PLEKHB2: variants seen among roughly 807,000 people sequenced by gnomAD.
PLEKHB2 encodes pleckstrin homology domain containing B2.
Under a neutral mutation model 36.5 loss-of-function variants are expected in PLEKHB2, and 31 were observed. The observed-to-expected ratio is 0.85, with a 90% CI of 0.64 to 1.15. The LOEUF is 1.15. Among genes scored for constraint, PLEKHB2 ranks in the 50% most tolerant of loss-of-function variants. PLEKHB2 has a pLI of 0.00. For synonymous variants in PLEKHB2, 119 were observed against 112.0 expected, an observed-to-expected ratio of 1.06 and a Z score of -0.39; for missense variants, 262 against 295.3, an observed-to-expected ratio of 0.89 and a Z score of 0.83.
chr2:131,149,386 TGAA>T lies in PLEKHB2; in HGVS notation c.*2618_*2620del, dbSNP rs1482329517. 2 of 152,248 alleles carry T rather than the reference TGAA, an allele frequency of 1.3e-5. No homozygotes were observed. Among genetic ancestry groups the T allele is most frequent in the Non-Finnish European group, 2.9e-5 (2 of 68,046 alleles). 9.4% of individuals were successfully genotyped at this position (152,248 alleles called of 1,614,324 possible). Reference sequence around the variant, plus strand: ...GTGTACTTTTAAATAATCCATACCTTGAAGAAGTTGGCCAATGATATTATATAC... The same window carrying T: ...GTGTACTTTTAAATAATCCATACCTTGAAGTTGGCCAATGATATTATATAC... On this transcript the variant is annotated 3_prime_UTR_variant, in exon 8 of 8. Coordinates refer to ENST00000693505, the MANE Select transcript of PLEKHB2 (RefSeq NM_001100623.2).
intron 4 of PLEKHB2, among the ~76,000 whole-genome samples, chr2:131,129,343 A>G (rs1339546113): frequency 6.6e-6 from 1 of 150,510 alleles, no homozygotes; most frequent in Non-Finnish European, 1.5e-5. Flanking sequence ...AAAAAAAAAA[A>G]AAAAAAAAAG....
At chr2:131,119,393 T>C (rs954662078) in intron 1 of PLEKHB2, among the ~76,000 whole-genome samples, 1 of 152,224 alleles carries the variant, frequency 6.6e-6, no homozygotes, top group Non-Finnish European at 1.5e-5. Flanking sequence ...TCAAAGGTTT[T>C]AGGATTCCTC....
At chr2:131,110,774 T>C (rs1695226527) in intron 1 of PLEKHB2, among the ~76,000 whole-genome samples, 1 of 152,210 alleles carries the variant, frequency 6.6e-6, no homozygotes, top group Admixed American at 6.5e-5. Flanking sequence ...TGCTGATTGT[T>C]GATCCTTTAT....
intron 7 of PLEKHB2, among the ~76,000 whole-genome samples, chr2:131,140,642 T>G (rs1698693583): frequency 6.6e-6 from 1 of 152,246 alleles, no homozygotes; most frequent in South Asian, 2.1e-4. Flanking sequence ...TTGTCACTAC[T>G]GAGGTGATGT....
chr2:131,130,048 CT>C (rs879315607), intron 4 of PLEKHB2, among the ~76,000 whole-genome samples: 2 of 149,148 alleles, frequency 1.3e-5, no homozygotes, highest in South Asian at 4.3e-4. Flanking sequence ...TTCTTTTCTT[CT>C]TTTTTTTTTC....
At chr2:131,105,701 G>A (rs1694633356) in intron 1 of PLEKHB2, among the ~76,000 whole-genome samples, 1 of 151,992 alleles carries the variant, frequency 6.6e-6, no homozygotes, top group Non-Finnish European at 1.5e-5. Context: ...TCGCTTCCCC[G>A]GCGTCCGCCT....
intron 5 of PLEKHB2, among the ~76,000 whole-genome samples, chr2:131,131,714 G>A (rs1051734142): frequency 1.3e-5 from 2 of 150,522 alleles, no homozygotes; most frequent in African/African-American, 2.5e-5. Context: ...TTCATTCTAA[G>A]CTTACTCTAC....
chr2:131,139,957 C>G (rs1698616306), intron 6 of PLEKHB2, among the ~76,000 whole-genome samples: 1 of 152,200 alleles, frequency 6.6e-6, no homozygotes, highest in Non-Finnish European at 1.5e-5. Context: ...CTGCCTTCTT[C>G]ATTCTGTAGC....
At chr2:131,131,533 T>C (rs533543161) in intron 5 of PLEKHB2, among the ~76,000 whole-genome samples, 1 of 152,324 alleles carries the variant, frequency 6.6e-6, no homozygotes, top group African/African-American at 2.4e-5. Context: ...TGTGTTACTC[T>C]GGTCAGAGTT....
At chr2:131,145,103 A>G (rs1316300643) in intron 7 of PLEKHB2, among the ~76,000 whole-genome samples, 1 of 152,202 alleles carries the variant, frequency 6.6e-6, no homozygotes, top group Non-Finnish European at 1.5e-5. Context: ...ATTAGTGGGT[A>G]TAAATGCATA....
chr2:131,105,662 G>GC (rs1041803196), intron 1 of PLEKHB2, among the ~76,000 whole-genome samples: 42 of 151,920 alleles, frequency 2.8e-4, no homozygotes, highest in Admixed American at 7.2e-4. Flanking sequence ...CTCCCAGTGG[G>GC]CCCCCCCGGC....
intron 2 of PLEKHB2, among the ~76,000 whole-genome samples, chr2:131,123,095 C>T (rs1050262285): frequency 1.3e-5 from 2 of 152,184 alleles, no homozygotes; most frequent in African/African-American, 4.8e-5. Context: ...TGGTGATGTA[C>T]ACAAAATAGA....
At chr2:131,123,257 C>A (rs1041309313) in intron 2 of PLEKHB2, among the ~76,000 whole-genome samples, 3 of 152,172 alleles carry the variant, frequency 2.0e-5, no homozygotes, top group African/African-American at 7.2e-5. Context: ...GTATCAATGC[C>A]AGTAAAACGA....
Position 131,135,610 on chromosome 2 carries a change from G to GT in PLEKHB2, c.423+2628dup, listed in dbSNP as rs879940375. Among the ~76,000 whole-genome samples, 37 of 150,352 alleles carry GT rather than the reference G, an allele frequency of 2.5e-4. 1 individual carries two copies. Among genetic ancestry groups the GT allele is most frequent in the Admixed American group, 6.0e-4 (9 of 15,078 alleles). On this transcript the variant is annotated intron_variant, in intron 6 of 7. Transcript: ENST00000693505. ...TGATTTTAGGGGGGATGTATTCAGT[G>GT]TTTTTTTTTGAGATGGAGTCTCGCT...
At chr2:131,140,297 T>C (rs1698658159) in intron 7 of PLEKHB2, 22 bp downstream of exon 7, 1 of 1,274,068 alleles carries the variant, frequency 7.8e-7, no homozygotes, top group African/African-American at 1.5e-5. Context: ...CGGCCTTTCA[T>C]TCCTCATTTC....
intron 1 of PLEKHB2, among the ~76,000 whole-genome samples, chr2:131,106,792 G>C (rs1335073287): frequency 6.6e-6 from 1 of 152,170 alleles, no homozygotes. Context: ...ATCAAACTGT[G>C]TTGCAGGGTT....
intron 1 of PLEKHB2, 73 bp downstream of exon 1, chr2:131,105,471 C>G (rs1182979230): frequency 6.5e-6 from 1 of 153,080 alleles, no homozygotes; most frequent in Non-Finnish European, 1.5e-5. Flanking sequence ...AGATTCTCCT[C>G]TAGAGCTGCC....
At chr2:131,119,240 A>G (rs943048805) in intron 1 of PLEKHB2, among the ~76,000 whole-genome samples, 20 of 152,176 alleles carry the variant, frequency 1.3e-4, no homozygotes, top group Non-Finnish European at 2.8e-4. Context: ...TGGACATCGC[A>G]GCAAGAATCC....
chr2:131,140,756 G>A (rs926962182), intron 7 of PLEKHB2, among the ~76,000 whole-genome samples: 1 of 152,230 alleles, frequency 6.6e-6, no homozygotes, highest in African/African-American at 2.4e-5. Context: ...TGGCAGGCAT[G>A]AGTAACTGGT....
Sources: allele counts gnomAD v4.1 joint callset (sites outside exome capture counted in the v4.1 genomes callset), GRCh38; gene constraint gnomAD v4.1.1; transcripts MANE v1.5; gene names NCBI Gene and HGNC (gene_info 2026-07-23, HGNC 2026-07-21).